Variants in MAML2 observed in about 807,000 individuals in gnomAD.
MAML2 encodes the protein mastermind like transcriptional coactivator 2.
In MAML2, 22 loss-of-function variants were observed where a neutral mutation model predicts 96.1. The observed-to-expected ratio is 0.23, with a 90% CI of 0.16 to 0.33. The LOEUF (loss-of-function observed/expected upper bound fraction) is 0.33, where lower values mean the gene tolerates loss of function less well. Ranked by LOEUF, MAML2 falls within the 10% of genes least tolerant of loss-of-function variation. MAML2 has a pLI of 1.00. For synonymous variants in MAML2, 561 were observed against 521.3 expected (o/e 1.08, Z -1.04); for missense variants, 1,367 against 1,392.4 (o/e 0.98, Z 0.29).
intron 1 of MAML2, among the ~76,000 whole-genome samples, chr11:96,148,659 T>TACAC (rs58470055): frequency 0.21 from 27,290 of 131,476 alleles, 3,106 homozygotes; most frequent in Non-Finnish European, 0.25. Flanking sequence ...TTCTGAAAAA[T>TACAC]ACACACACAC....
At chr11:96,321,910 T>G (rs1863707542) in intron 1 of MAML2, among the ~76,000 whole-genome samples, 1 of 152,334 alleles carries the variant, frequency 6.6e-6, no homozygotes, top group East Asian at 1.9e-4. Context: ...TGAACAGTTT[T>G]GAGTTATATG....
intron 1 of MAML2, among the ~76,000 whole-genome samples, chr11:96,102,157 T>A (rs887959584): frequency 1.3e-5 from 2 of 152,076 alleles, no homozygotes; most frequent in Non-Finnish European, 2.9e-5. Context: ...GTGCCTGTAG[T>A]CCCAGCTACT....
At chr11:96,049,274 T>A (rs1340014494) in intron 2 of MAML2, among the ~76,000 whole-genome samples, 1 of 152,236 alleles carries the variant, frequency 6.6e-6, no homozygotes, top group Non-Finnish European at 1.5e-5. Flanking sequence ...TATTATCAAC[T>A]CCATTTTAGA....
intron 1 of MAML2, among the ~76,000 whole-genome samples, chr11:96,160,670 C>A (rs948689831): frequency 6.6e-6 from 1 of 152,136 alleles, no homozygotes; most frequent in Non-Finnish European, 1.5e-5. Context: ...TCAGGTGATC[C>A]GCCTGCCTCT....
intron 2 of MAML2, among the ~76,000 whole-genome samples, chr11:95,994,977 T>A (rs1857970104): frequency 6.6e-6 from 1 of 152,240 alleles, no homozygotes; most frequent in South Asian, 2.1e-4. Flanking sequence ...TTTTCTTATC[T>A]GTAAAAGGGA....
At chr11:96,322,567 C>G (rs901159609) in intron 1 of MAML2, among the ~76,000 whole-genome samples, 18 of 151,994 alleles carry the variant, frequency 1.2e-4, no homozygotes, top group African/African-American at 4.1e-4. Flanking sequence ...TGGCGGGCGC[C>G]TGTATTCCCA....
chr11:96,212,211 G>T (rs976039635), intron 1 of MAML2, among the ~76,000 whole-genome samples: 1 of 148,694 alleles, frequency 6.7e-6, no homozygotes, highest in African/African-American at 2.5e-5. Flanking sequence ...TGGGAAACAG[G>T]CAGAGATATT....
At chr11:96,145,957 C>A (rs1006347798) in intron 1 of MAML2, among the ~76,000 whole-genome samples, 1 of 152,046 alleles carries the variant, frequency 6.6e-6, no homozygotes, top group African/African-American at 2.4e-5. Flanking sequence ...TGCAGTGAAC[C>A]AAGATCATGC....
In MAML2 at chr11:96,137,720, G is replaced by A. The variant is rs191350382; in HGVS notation, c.514-44203C>T. ...GGGCAGGGGAGACAGAAGAAACTGT[G>A]GGTGTTTATGGTTAATATTAATCAC... is the stretch of plus-strand genomic sequence containing the variant. On this transcript the variant is annotated intron_variant, in intron 1 of 4. Transcript: ENST00000524717. 2.8e-4 allele frequency among the ~76,000 whole-genome samples: 42 copies of A among 152,222 alleles called. No homozygotes were observed. The South Asian group carries it at 4.8e-3, about 17-fold the overall frequency.
chr11:96,304,061 G>A (rs190151152), intron 1 of MAML2, among the ~76,000 whole-genome samples: 312 of 152,210 alleles, frequency 2.0e-3, no homozygotes, highest in Non-Finnish European at 3.7e-3. Flanking sequence ...ATTCAGCACC[G>A]TTTGATCTTT....
In MAML2 at chr11:96,153,185, G is replaced by T. The variant is rs547756974; in HGVS notation, c.514-59668C>A. ...AATTTTTTTTTTTTTTTTGCATGAG[G>T]TCCCAATTAGTCCAAAACAATGAGG... On this transcript the variant is annotated intron_variant, in intron 1 of 4. Transcript: ENST00000524717. Among the ~76,000 whole-genome samples the T allele has an allele frequency of 2.0e-3, 296 of 149,646 alleles. 1 individual carries two copies. The highest frequency in any genetic ancestry group is 7.1e-3 in the African/African-American group (290 of 40,772).
intron 1 of MAML2, among the ~76,000 whole-genome samples, chr11:96,204,148 G>A (rs1322152223): frequency 6.6e-6 from 1 of 152,134 alleles, no homozygotes; most frequent in Non-Finnish European, 1.5e-5. Flanking sequence ...AAGGAAGCAT[G>A]GGCCTTCTGA....
At chr11:96,006,926 A>T (rs1224232475) in intron 2 of MAML2, among the ~76,000 whole-genome samples, 1 of 149,054 alleles carries the variant, frequency 6.7e-6, no homozygotes, top group Non-Finnish European at 1.5e-5. Context: ...CGAGTATTTT[A>T]ATGTTTTGTT....
chr11:96,137,715 A>C (rs915155672), intron 1 of MAML2, among the ~76,000 whole-genome samples: 2 of 152,326 alleles, frequency 1.3e-5, no homozygotes, highest in African/African-American at 4.8e-5. Flanking sequence ...GACAGAAGAA[A>C]CTGTGGGTGT....
intron 1 of MAML2, among the ~76,000 whole-genome samples, chr11:96,259,044 A>T (rs1862710472): frequency 6.6e-6 from 1 of 152,152 alleles, no homozygotes; most frequent in South Asian, 2.1e-4. Flanking sequence ...AAGGGTGAAG[A>T]CAAACTTAAC....
intron 2 of MAML2, among the ~76,000 whole-genome samples, chr11:96,067,380 T>C (rs1859262344): frequency 6.6e-6 from 1 of 152,204 alleles, no homozygotes; most frequent in Non-Finnish European, 1.5e-5. Context: ...TTTAGAGAAG[T>C]AACAAAGGCC....
At chr11:96,034,456 A>AGAGAGTGT (rs766634690) in intron 2 of MAML2, among the ~76,000 whole-genome samples, 2,320 of 144,750 alleles carry the variant, frequency 0.016, 41 homozygotes, top group African/African-American at 0.038. Flanking sequence ...AGAGAGAGAG[A>AGAGAGTGT]GTGTGTGTGT....
chr11:96,173,909 T>C (rs1160512049), intron 1 of MAML2, among the ~76,000 whole-genome samples: 1 of 152,220 alleles, frequency 6.6e-6, no homozygotes, highest in East Asian at 1.9e-4. Context: ...GTATGGCCAT[T>C]TTGTCACCTG....
At position 96,096,558 on chromosome 11, in the gene MAML2, T is replaced by C. The variant is rs570669853; in HGVS notation, c.514-3041A>G. Among the ~76,000 whole-genome samples the C allele has an allele frequency of 5.3e-5, 8 of 152,298 alleles. No homozygotes were observed. The South Asian group carries it at 1.7e-3, about 32-fold the overall frequency. On this transcript the variant is annotated intron_variant, in intron 1 of 4. Transcript: ENST00000524717. ...CAGGAATCAAACCACACATTCCCAC[T>C]GCACAGCCTGTGCTCTGTAGTAAGT... is the stretch of plus-strand genomic sequence containing the variant.
Sources: allele counts gnomAD v4.1 joint callset (sites outside exome capture counted in the v4.1 genomes callset), GRCh38; gene constraint gnomAD v4.1.1; transcripts MANE v1.5; gene names NCBI Gene and HGNC (gene_info 2026-07-23, HGNC 2026-07-21).